Variants in FAM3D observed in about 807,000 individuals in gnomAD.
The protein encoded by FAM3D is protein FAM3D.
In FAM3D, 26 loss-of-function variants were observed where a neutral mutation model predicts 29.8. The ratio of observed to expected loss-of-function variants is 0.87; its 90% CI spans 0.64 to 1.21. FAM3D has a LOEUF of 1.21. Among genes scored for constraint, FAM3D ranks in the 50% most tolerant of loss-of-function variants. The probability of loss-of-function intolerance (pLI) is 0.00; values close to 1 mark genes in which losing one functional copy is unlikely to be tolerated. For missense variants in FAM3D, 253 were observed against 290.9 expected (o/e 0.87, Z 0.95); for synonymous variants, 115 against 102.3 (o/e 1.12, Z -0.75).
At chr3:58,665,714 G>C (rs1049929528) in intron 1 of FAM3D, among the ~76,000 whole-genome samples, 1 of 152,188 alleles carries the variant, frequency 6.6e-6, no homozygotes, top group African/African-American at 2.4e-5. Context: ...ATTGCCTGGG[G>C]AAGTTATTAA....
Position 58,634,402 on chromosome 3 carries a change from T to G in FAM3D, c.586-34A>C. ...AGAGAAGACAGAGAAATATAGGCAG[T>G]GAGTGAGGCTGTTCAGAACTCATGC... On this transcript the variant is annotated intron_variant, in intron 9 of 9. Coordinates refer to ENST00000358781, the MANE Select transcript of FAM3D (RefSeq NM_138805.3). The surrounding 1 kb of genome is among the most constrained non-coding windows in gnomAD (Gnocchi z 4.6). The G allele has an allele frequency of 1.3e-6, 2 of 1,590,366 alleles. No homozygotes were observed.
intron 5 of FAM3D, among the ~76,000 whole-genome samples, chr3:58,645,088 C>T (rs1395109507): frequency 1.3e-5 from 2 of 152,198 alleles, no homozygotes; most frequent in Admixed American, 6.5e-5. Flanking sequence ...GCCCTGGTGC[C>T]TGCTATATCT....
chr3:58,640,128 T>A lies in FAM3D; in HGVS notation c.372A>T (p.Gly124=), dbSNP rs373974005. ...LGQKAFDMYS[G]DVMHLVKFLK... Reference sequence around the variant, plus strand: ...TTCAGTGTCAGCAGAGGCACCTACCTCCAGAGTACATGTCAAATGCCTTCT... The same window carrying A: ...TTCAGTGTCAGCAGAGGCACCTACCACCAGAGTACATGTCAAATGCCTTCT... The change falls in exon 7 of 10, where the codon GGA becomes GGT. Residue 124 remains glycine (G), a splice_region_variant and synonymous_variant. Coordinates refer to ENST00000358781, the MANE Select transcript of FAM3D (RefSeq NM_138805.3). The A allele has an allele frequency of 1.2e-6, 2 of 1,614,088 alleles. No individual in the cohort carries two copies. Among genetic ancestry groups the A allele is most frequent in the Non-Finnish European group, 1.7e-6 (2 of 1,180,002 alleles).
intron 1 of FAM3D, among the ~76,000 whole-genome samples, chr3:58,664,173 T>C (rs1406759903): frequency 1.3e-5 from 2 of 152,294 alleles, no homozygotes; most frequent in East Asian, 3.9e-4. Context: ...ATGGGGATGA[T>C]AAGACCTCCC....
At chr3:58,636,191 T>C in intron 9 of FAM3D, 103 bp downstream of exon 9, 1 of 1,497,308 alleles carries the variant, frequency 6.7e-7, no homozygotes, top group Admixed American at 2.2e-5. Flanking sequence ...CAGACAATCC[T>C]CCCAATTTTA....
intron 2 of FAM3D, 151 bp downstream of exon 2, chr3:58,655,400 C>T: frequency 1.1e-6 from 1 of 933,998 alleles, no homozygotes; most frequent in Non-Finnish European, 1.5e-6. Context: ...AGGAAGTCGC[C>T]TCTTCTACTC....
chr3:58,665,396 C>T (rs2067010802), intron 1 of FAM3D, among the ~76,000 whole-genome samples: 1 of 152,126 alleles, frequency 6.6e-6, no homozygotes, highest in South Asian at 2.1e-4. Flanking sequence ...GCCCTTCACT[C>T]CTGAAGGACC....
At position 58,640,039 on chromosome 3, in the gene FAM3D, G is replaced by A. The variant is rs955822389; in HGVS notation, c.373+88C>T. The A allele has an allele frequency of 4.7e-5, 68 of 1,442,674 alleles. No individual in the cohort carries two copies. The Middle Eastern group carries it at 6.0e-4, about 13-fold the overall frequency. The allele number at this position is 1,442,674 out of a possible 1,614,324, so 89.4% of individuals were successfully genotyped here. ...TGTGGAAAGAAGCACCAGGTACCTC[G>A]AGCCACCAGGTCCCTTGCCACATGA... On this transcript the variant is annotated intron_variant, in intron 7 of 9. Coordinates refer to ENST00000358781, the MANE Select transcript of FAM3D (RefSeq NM_138805.3).
intron 4 of FAM3D, among the ~76,000 whole-genome samples, chr3:58,646,997 A>G (rs2066501971): frequency 1.3e-5 from 2 of 151,998 alleles, no homozygotes; most frequent in Admixed American, 6.5e-5. Flanking sequence ...GGCACAACCC[A>G]CTGGTGCCAG....
intron 7 of FAM3D, among the ~76,000 whole-genome samples, chr3:58,638,349 T>G (rs1251039956): frequency 6.6e-6 from 1 of 152,166 alleles, no homozygotes; most frequent in Non-Finnish European, 1.5e-5. Flanking sequence ...TTATTCTAGA[T>G]ATGGTGCAAC....
At chr3:58,656,774 G>GAGAC (rs2066814362) in intron 1 of FAM3D, among the ~76,000 whole-genome samples, 1 of 152,198 alleles carries the variant, frequency 6.6e-6, no homozygotes, top group African/African-American at 2.4e-5. Flanking sequence ...GCTCAGACCT[G>GAGAC]AGACAGGAGA....
chr3:58,657,112 A>G (rs1050146518), intron 1 of FAM3D, among the ~76,000 whole-genome samples: 1 of 152,182 alleles, frequency 6.6e-6, no homozygotes, highest in Admixed American at 6.5e-5. Context: ...CAGATAAAAA[A>G]TATATTATGA....
chr3:58,661,239 G>A (rs1265798054), intron 1 of FAM3D, among the ~76,000 whole-genome samples: 1 of 152,180 alleles, frequency 6.6e-6, no homozygotes, highest in African/African-American at 2.4e-5. Context: ...CGAGCCTCGG[G>A]TGTTCCTTTT....
At position 58,634,820 on chromosome 3, in the gene FAM3D, G is replaced by A. The variant is rs2066115892; in HGVS notation, c.586-452C>T. Among the ~76,000 whole-genome samples, 1 of 152,130 alleles carries A rather than the reference G, an allele frequency of 6.6e-6. No individual in the cohort carries two copies. Among genetic ancestry groups the A allele is most frequent in the African/African-American group, 2.4e-5 (1 of 41,412 alleles). On this transcript the variant is annotated intron_variant, in intron 9 of 9. Coordinates refer to ENST00000358781, the MANE Select transcript of FAM3D (RefSeq NM_138805.3). The surrounding 1 kb of genome is among the most constrained non-coding windows in gnomAD (Gnocchi z 4.6). The stretch of plus-strand genomic sequence containing the variant: ...ACAGATGGGGAAGCTGAGGCACAGA[G>A]GGTCACTGCCCGTAGTCACTGGCTG...
chr3:58,643,133 C>T (rs2066380406), intron 6 of FAM3D, among the ~76,000 whole-genome samples: 1 of 152,212 alleles, frequency 6.6e-6, no homozygotes, highest in Non-Finnish European at 1.5e-5. Flanking sequence ...AGCTGTGCTT[C>T]CTGCCCCTCC....
At chr3:58,665,707 G>T (rs1011190039) in intron 1 of FAM3D, among the ~76,000 whole-genome samples, 5 of 152,214 alleles carry the variant, frequency 3.3e-5, no homozygotes, top group Admixed American at 2.0e-4. Context: ...CAGCCAGATT[G>T]CCTGGGGAAG....
intron 3 of FAM3D, among the ~76,000 whole-genome samples, chr3:58,652,400 A>G (rs779860246): frequency 9.2e-5 from 14 of 152,158 alleles, no homozygotes; most frequent in South Asian, 8.3e-4. Flanking sequence ...TCATTCATCT[A>G]TCCACCCACC....
At chr3:58,660,959 C>T (rs558995746) in intron 1 of FAM3D, among the ~76,000 whole-genome samples, 1 of 152,276 alleles carries the variant, frequency 6.6e-6, no homozygotes, top group African/African-American at 2.4e-5. Flanking sequence ...GGAGACCACA[C>T]ATTCTTAACC....
At position 58,634,155 on chromosome 3, in the gene FAM3D, A is replaced by T; in HGVS notation, c.*124T>A. 1.3e-6 allele frequency: 1 copy of T among 797,176 alleles called. No homozygotes were observed. Among genetic ancestry groups the T allele is most frequent in the Non-Finnish European group, 2.0e-6 (1 of 493,338 alleles). The allele number at this position is 797,176 out of a possible 1,614,324, so 49.4% of individuals were successfully genotyped here. The stretch of plus-strand genomic sequence containing the variant: ...GGAGGAGAGGCGCGACACAGCGTGC[A>T]AGGACCTGCAGCACCTTCCACGCAG... On this transcript the variant is annotated 3_prime_UTR_variant, in exon 10 of 10. Transcript: ENST00000358781. This position sits in a 1 kb window ranked among gnomAD's most constrained non-coding sequence, Gnocchi z 4.6.
Sources: allele counts gnomAD v4.1 joint callset (sites outside exome capture counted in the v4.1 genomes callset), GRCh38; gene constraint gnomAD v4.1.1; non-coding constraint Gnocchi (gnomAD v3.1); transcripts MANE v1.5; gene names NCBI Gene and HGNC (gene_info 2026-07-23, HGNC 2026-07-21).